Variants in JPH2 observed in about 807,000 individuals in gnomAD.
JPH2 encodes the protein junctophilin 2.
In JPH2, 38 loss-of-function variants were observed where a neutral mutation model predicts 55.9. The observed-to-expected ratio is 0.68, with a 90% confidence interval of 0.52 to 0.89. The LOEUF (loss-of-function observed/expected upper bound fraction) is 0.89. Among genes scored for constraint, JPH2 ranks in the 40% least tolerant of loss-of-function variants. The pLI, the probability that JPH2 is intolerant of heterozygous loss-of-function variation, is 0.00. For synonymous variants in JPH2, 480 were observed against 472.4 expected, an observed-to-expected ratio of 1.02 and a Z score of -0.21; for missense variants, 964 against 1,037.6, an observed-to-expected ratio of 0.93 and a Z score of 0.97.
At chr20:44,137,239 C>T (rs2072419469) in intron 2 of JPH2, among the ~76,000 whole-genome samples, 1 of 152,100 alleles carries the variant, frequency 6.6e-6, no homozygotes, top group Non-Finnish European at 1.5e-5. Flanking sequence ...TGCTCTGCCC[C>T]CGCCCCGCCC....
chr20:44,158,030 C>G (rs2072577938), intron 2 of JPH2, among the ~76,000 whole-genome samples: 2 of 152,240 alleles, frequency 1.3e-5, no homozygotes, highest in African/African-American at 4.8e-5. Context: ...TCTACCTTTT[C>G]AGGATCTTGT....
intron 1 of JPH2, among the ~76,000 whole-genome samples, chr20:44,165,030 G>A (rs748456505): frequency 6.6e-6 from 1 of 152,096 alleles, no homozygotes; most frequent in African/African-American, 2.4e-5. Context: ...TAGAGATGGG[G>A]TTTCATCATG....
At chr20:44,167,174 T>G (rs1386358348) in intron 1 of JPH2, among the ~76,000 whole-genome samples, 3 of 152,250 alleles carry the variant, frequency 2.0e-5, no homozygotes, top group Non-Finnish European at 4.4e-5. Context: ...CATGTTATCA[T>G]GTCATCCATT....
chr20:44,159,626 G>C lies in JPH2; in HGVS notation c.1161C>G (p.Ala387=). Residue 387 remains alanine (A), a synonymous_variant, in exon 2 of 6, where the codon GCC becomes GCG. Transcript: ENST00000372980. The surrounding 1 kb of genome is among the most constrained non-coding windows in gnomAD (Gnocchi z 5.7). ...CCCCACCGCTGTCCTACCTGGAGGC[G>C]GCAATCTCGGCCTTCTGGCGCGCGA... ...AAIARQKAEI[A]ASRTSHAKAK... 1 of 1,602,362 alleles carries C rather than the reference G, an allele frequency of 6.2e-7. No homozygotes were observed. The highest frequency in any genetic ancestry group is 8.5e-7 in the Non-Finnish European group (1 of 1,179,454).
At chr20:44,128,810 C>A (rs1009616413) in intron 2 of JPH2, among the ~76,000 whole-genome samples, 6 of 152,024 alleles carry the variant, frequency 3.9e-5, no homozygotes, top group African/African-American at 1.4e-4. Flanking sequence ...CTTCAGCCTC[C>A]CAAATAACTC....
At chr20:44,171,371 T>C (rs2072696846) in intron 1 of JPH2, among the ~76,000 whole-genome samples, 1 of 152,184 alleles carries the variant, frequency 6.6e-6, no homozygotes, top group Non-Finnish European at 1.5e-5. Context: ...GGCAGCTCCC[T>C]TTGTTGGAGA....
intron 1 of JPH2, among the ~76,000 whole-genome samples, chr20:44,183,361 A>C (rs1444982087): frequency 6.6e-6 from 1 of 152,216 alleles, no homozygotes; most frequent in Admixed American, 6.5e-5. Context: ...TGGAGCCAGA[A>C]TCTGTGCTCA....
intron 1 of JPH2, among the ~76,000 whole-genome samples, chr20:44,171,681 C>A (rs958119142): frequency 2.6e-5 from 4 of 152,204 alleles, no homozygotes; most frequent in Non-Finnish European, 2.9e-5. Flanking sequence ...GCGGCCTCCC[C>A]TGTCACCCAG....
Position 44,108,663 on chromosome 20 carries a change from A to T in JPH2, c.*4855T>A, listed in dbSNP as rs1286293936. ...AAAAAAAAAAGAAAAGAGGAAGAAGAAGTGACTGTAATGTAGGCACCTGGT... is the reference window on the plus strand; with the variant it reads ...AAAAAAAAAAGAAAAGAGGAAGAAGTAGTGACTGTAATGTAGGCACCTGGT... On this transcript the variant is annotated 3_prime_UTR_variant, in exon 6 of 6. Coordinates refer to ENST00000372980, the MANE Select transcript of JPH2 (RefSeq NM_020433.5). 1.3e-5 allele frequency among the ~76,000 whole-genome samples: 2 copies of T among 151,326 alleles called. No homozygotes were observed. Among genetic ancestry groups the T allele is most frequent in the African/African-American group, 2.4e-5 (1 of 41,136 alleles).
rs945791429 is a variant in JPH2 at position 44,160,072 on chromosome 20, C to T, written c.715G>A (p.Val239Met). The change falls in exon 2 of 6, where the codon GTG becomes ATG. Residue 239 changes from valine (V) to methionine (M), a missense_variant. Transcript: ENST00000372980. The surrounding 1 kb of genome is among the most constrained non-coding windows in gnomAD (Gnocchi z 4.9). ...CTGACACGGCTGCGCTGGCTACCCACGGACGTGCGCGACTCTGCGCGCCGC... is the reference window on the plus strand; with the variant it reads ...CTGACACGGCTGCGCTGGCTACCCATGGACGTGCGCGACTCTGCGCGCCGC... ...KLRRAESRTS[V>M]GSQRSRVSFL... The T allele has an allele frequency of 1.3e-6, 2 of 1,536,402 alleles. No individual in the cohort carries two copies. The highest frequency in any genetic ancestry group is 1.2e-5 in the South Asian group (1 of 84,060).
intron 1 of JPH2, among the ~76,000 whole-genome samples, chr20:44,178,399 G>A (rs1179333237): frequency 6.6e-6 from 1 of 152,172 alleles, no homozygotes; most frequent in African/African-American, 2.4e-5. Context: ...AGATGTGTAA[G>A]ACATTGAATT....
In JPH2 at chr20:44,146,094, T is replaced by C. The variant is rs544443495; in HGVS notation, c.1169+13524A>G. ...GGTTGCCCAGGCTACAGTGCAGTGG[T>C]GCCATCTCGGCTCACTGCAAGCTCC... On this transcript the variant is annotated intron_variant, in intron 2 of 5. Transcript: ENST00000372980. 4.6e-4 allele frequency among the ~76,000 whole-genome samples: 69 copies of C among 150,430 alleles called. 1 individual carries two copies. The highest frequency in any genetic ancestry group is 4.5e-3 in the East Asian group (23 of 5,082).
intron 2 of JPH2, among the ~76,000 whole-genome samples, chr20:44,144,159 A>G (rs887638381): frequency 6.6e-6 from 1 of 152,020 alleles, no homozygotes. Context: ...TTTTAACTCC[A>G]CTCCCAATGG....
intron 2 of JPH2, among the ~76,000 whole-genome samples, chr20:44,130,950 T>C (rs2072313722): frequency 6.6e-6 from 1 of 152,190 alleles, no homozygotes; most frequent in East Asian, 1.9e-4. Context: ...AGTCATGCTA[T>C]GTGGGTGTGA....
chr20:44,129,381 T>G (rs775245997), intron 2 of JPH2, among the ~76,000 whole-genome samples: 28 of 151,926 alleles, frequency 1.8e-4, no homozygotes, highest in Non-Finnish European at 3.7e-4. Flanking sequence ...ATGGTGAAAC[T>G]TCGTCTCTAC....
chr20:44,142,184 A>T (rs1434187672), intron 2 of JPH2, among the ~76,000 whole-genome samples: 1 of 152,168 alleles, frequency 6.6e-6, no homozygotes, highest in Non-Finnish European at 1.5e-5. Context: ...CTGACCTGCA[A>T]GGCCCCCGAA....
At chr20:44,126,521 T>G (rs569515329) in intron 2 of JPH2, among the ~76,000 whole-genome samples, 2 of 152,116 alleles carry the variant, frequency 1.3e-5, no homozygotes, top group Admixed American at 6.6e-5. Context: ...TGGCTGGTCA[T>G]GACCATCTAC....
In JPH2 at chr20:44,160,406, C is replaced by T; in HGVS notation, c.381G>A (p.Gly127=). 1 of 1,608,906 alleles carries T rather than the reference C, an allele frequency of 6.2e-7. No homozygotes were observed. Among genetic ancestry groups the T allele is most frequent in the South Asian group, 1.1e-5 (1 of 90,180 alleles). The part of the protein sequence containing the change: ...GYGTETYADG[G]TYQGQFTNGM... ...CGTTGGTGAACTGGCCTTGGTACGT[C>T]CCTGCGGGCGAGGAGAGGGCGCGTC... Residue 127 remains glycine (G), a splice_region_variant and synonymous_variant, in exon 2 of 6, where the codon GGG becomes GGA. Transcript: ENST00000372980. This position sits in a 1 kb window ranked among gnomAD's most constrained non-coding sequence, Gnocchi z 4.9.
chr20:44,163,541 T>A (rs1569212728), intron 1 of JPH2, among the ~76,000 whole-genome samples: 1 of 152,144 alleles, frequency 6.6e-6, no homozygotes. Flanking sequence ...CCATTAAGGA[T>A]CATGTACAAT....
Sources: allele counts gnomAD v4.1 joint callset (sites outside exome capture counted in the v4.1 genomes callset), GRCh38; gene constraint gnomAD v4.1.1; non-coding constraint Gnocchi (gnomAD v3.1); transcripts MANE v1.5; gene names NCBI Gene and HGNC (gene_info 2026-07-23, HGNC 2026-07-21).